LRRC7: variants seen among roughly 807,000 people sequenced by gnomAD.
LRRC7 encodes leucine-rich repeat-containing protein 7.
Under a neutral mutation model 175.7 loss-of-function variants are expected in LRRC7, and 23 were observed. The observed-to-expected ratio is 0.13, with a 90% confidence interval of 0.09 to 0.19. The LOEUF is 0.19. Among genes scored for constraint, LRRC7 ranks in the 10% least tolerant of loss-of-function variants. The probability of loss-of-function intolerance (pLI) is 1.00; values close to 1 mark genes in which losing one functional copy is unlikely to be tolerated. For missense variants in LRRC7, 1,354 were observed against 1,904.7 expected (o/e 0.71, Z 5.38); for synonymous variants, 685 against 680.9 (o/e 1.01, Z -0.09).
At chr1:70,060,840 C>A (rs1479317452) in intron 23 of LRRC7, among the ~76,000 whole-genome samples, 1 of 152,150 alleles carries the variant, frequency 6.6e-6, no homozygotes, top group African/African-American at 2.4e-5. Flanking sequence ...TAACTAAATT[C>A]TCCTTTTGTA....
chr1:69,713,482 C>T (rs911408561), intron 2 of LRRC7, among the ~76,000 whole-genome samples: 12 of 151,944 alleles, frequency 7.9e-5, no homozygotes, highest in African/African-American at 1.2e-4. Flanking sequence ...GATGACAAAG[C>T]GAGACCCTGT....
In LRRC7 at chr1:69,653,757, G is replaced by A. The variant is rs541537368; in HGVS notation, c.3-24624G>A. 8.6e-5 allele frequency among the ~76,000 whole-genome samples: 13 copies of A among 152,028 alleles called. No individual in the cohort carries two copies. The South Asian group carries it at 1.0e-3, about 12-fold the overall frequency. On this transcript the variant is annotated intron_variant, in intron 1 of 26. Coordinates refer to ENST00000651989, the MANE Select transcript of LRRC7 (RefSeq NM_001370785.2). Reference sequence around the variant, plus strand: ...GCCGGGAAGTGACAACATCTTGAGCGTCCACAGTATAATATTACTTGCCAT... The same window carrying A: ...GCCGGGAAGTGACAACATCTTGAGCATCCACAGTATAATATTACTTGCCAT...
intron 17 of LRRC7, 129 bp downstream of exon 17, chr1:70,023,503 G>A (rs1427738130): frequency 7.0e-6 from 7 of 994,322 alleles, no homozygotes; most frequent in African/African-American, 1.7e-5. Flanking sequence ...CAAATTGCCA[G>A]TGTTTTATCT....
intron 4 of LRRC7, among the ~76,000 whole-genome samples, chr1:69,801,079 A>G (rs1204251761): frequency 1.3e-5 from 2 of 151,338 alleles, no homozygotes; most frequent in Admixed American, 6.6e-5. Flanking sequence ...CACTTTGAAT[A>G]AAACCAACTT....
At chr1:69,619,453 T>C (rs925987418) in intron 1 of LRRC7, among the ~76,000 whole-genome samples, 1 of 152,136 alleles carries the variant, frequency 6.6e-6, no homozygotes, top group Admixed American at 6.5e-5. Context: ...CATGAAGAAA[T>C]GGGAACTACA....
rs77339983 is a variant in LRRC7, at chr1:69,655,803, T to C, written c.3-22578T>C. On this transcript the variant is annotated intron_variant, in intron 1 of 26. Coordinates refer to ENST00000651989, the MANE Select transcript of LRRC7 (RefSeq NM_001370785.2). ...TTGTATCACATTACATGTAAATGATTTAAAACATAGTTTGTACCTAATGTT... is the reference window on the plus strand; with the variant it reads ...TTGTATCACATTACATGTAAATGATCTAAAACATAGTTTGTACCTAATGTT... 2.2e-4 allele frequency among the ~76,000 whole-genome samples: 33 copies of C among 152,196 alleles called. 1 individual carries two copies. The East Asian group carries it at 5.8e-3, about 27-fold the overall frequency.
At chr1:70,000,549 A>C (rs974033834) in intron 11 of LRRC7, among the ~76,000 whole-genome samples, 1 of 152,196 alleles carries the variant, frequency 6.6e-6, no homozygotes, top group Admixed American at 6.5e-5. Flanking sequence ...TCTGCCATTC[A>C]GTAATCGTAC....
At chr1:69,888,067 T>G (rs1336983211) in intron 7 of LRRC7, among the ~76,000 whole-genome samples, 1 of 103,040 alleles carries the variant, frequency 9.7e-6, no homozygotes, top group Non-Finnish European at 2.1e-5. Context: ...ACTGCTGTCT[T>G]TTTGTTTGTC....
At chr1:69,804,476 A>T (rs947020470) in intron 4 of LRRC7, among the ~76,000 whole-genome samples, 1 of 151,514 alleles carries the variant, frequency 6.6e-6, no homozygotes, top group Admixed American at 6.6e-5. Flanking sequence ...TGAAGTTTTG[A>T]TCTCTTATGT....
chr1:69,958,842 A>G (rs560694630), intron 8 of LRRC7, among the ~76,000 whole-genome samples: 1 of 152,236 alleles, frequency 6.6e-6, no homozygotes, highest in East Asian at 1.9e-4. Context: ...GAAAGTGAAC[A>G]TAGCAAAATA....
intron 8 of LRRC7, among the ~76,000 whole-genome samples, chr1:69,956,074 T>C (rs561941714): frequency 3.9e-5 from 6 of 152,074 alleles, no homozygotes; most frequent in African/African-American, 1.4e-4. Context: ...TAAAGAGCAG[T>C]TGTGGAATGT....
In LRRC7 at chr1:69,652,890, T is replaced by C. The variant is rs191399660; in HGVS notation, c.3-25491T>C. ...TCAAGACTATTCAATGGGGAAAGGA[T>C]AGTTTCTTCAAGAAATAGTGTGGGG... On this transcript the variant is annotated intron_variant, in intron 1 of 26. Transcript: ENST00000651989. Among the ~76,000 whole-genome samples the C allele has an allele frequency of 4.7e-4, 72 of 152,218 alleles. 1 individual carries two copies. The East Asian group carries it at 0.011, about 22-fold the overall frequency.
intron 2 of LRRC7, among the ~76,000 whole-genome samples, chr1:69,713,847 C>G (rs938783881): frequency 1.3e-5 from 2 of 151,706 alleles, no homozygotes; most frequent in Non-Finnish European, 2.9e-5. Context: ...TTTCCAGTCA[C>G]AAAATGTTAA....
chr1:69,766,962 A>T (rs1369493511), intron 3 of LRRC7, among the ~76,000 whole-genome samples: 2 of 152,174 alleles, frequency 1.3e-5, no homozygotes, highest in African/African-American at 4.8e-5. Flanking sequence ...AGAATTGCAC[A>T]GCCGTCATCA....
At chr1:70,033,760 G>A (rs962401359) in intron 18 of LRRC7, among the ~76,000 whole-genome samples, 7 of 152,064 alleles carry the variant, frequency 4.6e-5, no homozygotes, top group Non-Finnish European at 7.4e-5. Context: ...TACTGAATGT[G>A]TAGAACATAA....
chr1:69,677,577 T>A (rs888740001), intron 1 of LRRC7, among the ~76,000 whole-genome samples: 1 of 152,048 alleles, frequency 6.6e-6, no homozygotes, highest in Non-Finnish European at 1.5e-5. Flanking sequence ...CCAACATCTA[T>A]TGTATTTTGA....
At chr1:69,592,930 T>C (rs1424234037) in intron 1 of LRRC7, among the ~76,000 whole-genome samples, 2 of 152,070 alleles carry the variant, frequency 1.3e-5, no homozygotes, top group African/African-American at 4.8e-5. Flanking sequence ...TACCTTCTAA[T>C]ATCTAAAAGT....
At position 70,117,680 on chromosome 1, in the gene LRRC7, A is replaced by G. The variant is rs191304165; in HGVS notation, c.4621-4100A>G. Among the ~76,000 whole-genome samples, 677 of 149,802 alleles carry G rather than the reference A, an allele frequency of 4.5e-3. 5 individuals are homozygous for G. The highest frequency in any genetic ancestry group is 0.024 in the South Asian group (114 of 4,798). On this transcript the variant is annotated intron_variant, in intron 26 of 26. Coordinates refer to ENST00000651989, the MANE Select transcript of LRRC7 (RefSeq NM_001370785.2). Reference sequence around the variant, plus strand: ...CTAAAGCTAGAAACCCATTAATTACATATTTTTTAAGGATTAAATTTTCAG... The same window carrying G: ...CTAAAGCTAGAAACCCATTAATTACGTATTTTTTAAGGATTAAATTTTCAG...
chr1:69,918,424 C>T (rs1646783701), intron 7 of LRRC7, among the ~76,000 whole-genome samples: 1 of 152,188 alleles, frequency 6.6e-6, no homozygotes, highest in African/African-American at 2.4e-5. Flanking sequence ...GAAAATCTTA[C>T]TTGTTTGTAT....
Sources: gnomAD v4.1 joint callset for allele counts (sites outside exome capture counted in the v4.1 genomes callset) on GRCh38, gnomAD v4.1.1 for gene constraint, MANE v1.5 for transcripts, NCBI Gene and HGNC (gene_info 2026-07-23, HGNC 2026-07-21) for gene names.